COLGALT2: variants seen among roughly 807,000 people sequenced by gnomAD.
COLGALT2 encodes the protein collagen beta(1-O)galactosyltransferase 2.
Under a neutral mutation model 73.4 loss-of-function variants are expected in COLGALT2, and 49 were observed. That is an observed-to-expected ratio of 0.67 (90% confidence interval 0.53 to 0.85). COLGALT2 has a LOEUF of 0.85. Ranked by LOEUF, COLGALT2 falls within the 40% of genes least tolerant of loss-of-function variation. The pLI is 0.00. For missense variants in COLGALT2, 722 were observed against 790.2 expected, an observed-to-expected ratio of 0.91 and a Z score of 1.03; for synonymous variants, 295 against 307.6, an observed-to-expected ratio of 0.96 and a Z score of 0.43.
At chr1:183,974,363 A>G (rs1455524455) in intron 3 of COLGALT2, among the ~76,000 whole-genome samples, 2 of 152,248 alleles carry the variant, frequency 1.3e-5, no homozygotes, top group African/African-American at 4.8e-5. Context: ...TGAAAAAGGG[A>G]TAAACTGACA....
intron 6 of COLGALT2, among the ~76,000 whole-genome samples, chr1:183,959,343 C>A (rs1670635324): frequency 6.6e-6 from 1 of 152,196 alleles, no homozygotes; most frequent in Non-Finnish European, 1.5e-5. Context: ...ATATATCCAA[C>A]TATCTTCTGC....
At chr1:184,035,033 A>G (rs923444661) in intron 1 of COLGALT2, among the ~76,000 whole-genome samples, 1 of 152,236 alleles carries the variant, frequency 6.6e-6, no homozygotes, top group Non-Finnish European at 1.5e-5. Context: ...GTCTTCAATG[A>G]CTGACGCAAG....
At chr1:183,982,249 G>T (rs1671373546) in intron 1 of COLGALT2, among the ~76,000 whole-genome samples, 1 of 152,150 alleles carries the variant, frequency 6.6e-6, no homozygotes, top group Admixed American at 6.5e-5. Flanking sequence ...AGATGGGGTA[G>T]GAGGAGCCCT....
At chr1:183,952,398 A>G (rs1193976255) in intron 7 of COLGALT2, among the ~76,000 whole-genome samples, 2 of 152,194 alleles carry the variant, frequency 1.3e-5, no homozygotes, top group Admixed American at 6.5e-5. Flanking sequence ...AGGGAGGTGC[A>G]CAAACTCATC....
chr1:183,972,641 A>G (rs903033438), intron 4 of COLGALT2, among the ~76,000 whole-genome samples: 1 of 152,016 alleles, frequency 6.6e-6, no homozygotes, highest in Non-Finnish European at 1.5e-5. Flanking sequence ...CATTATTAGA[A>G]CTCTTTGGAA....
Position 183,951,720 on chromosome 1 carries a change from T to C in COLGALT2, c.1030-607A>G, listed in dbSNP as rs2102796639. Among the ~76,000 whole-genome samples the C allele has an allele frequency of 2.0e-5, 3 of 152,238 alleles. 1 individual carries two copies. In the South Asian group the frequency reaches 6.2e-4, roughly 32 times the overall value. Reference sequence around the variant, plus strand: ...GAAGGATATTAAGAAAAGAAAGATATCCCATGTTCATAGATTGGAATAATT... The same window carrying C: ...GAAGGATATTAAGAAAAGAAAGATACCCCATGTTCATAGATTGGAATAATT... On this transcript the variant is annotated intron_variant, in intron 7 of 11. Coordinates refer to ENST00000361927, the MANE Select transcript of COLGALT2 (RefSeq NM_015101.4).
At chr1:183,965,775 G>T (rs1336760726) in intron 5 of COLGALT2, among the ~76,000 whole-genome samples, 1 of 133,760 alleles carries the variant, frequency 7.5e-6, no homozygotes, top group African/African-American at 2.8e-5. Flanking sequence ...AATTATTAAA[G>T]GAATTGCCTC....
chr1:183,969,174 T>C (rs911254663), intron 5 of COLGALT2, 95 bp downstream of exon 5: 1 of 1,031,708 alleles, frequency 9.7e-7, no homozygotes, highest in South Asian at 1.7e-5. Context: ...ACCAGACATA[T>C]GAGGGTTTTT....
In COLGALT2 at chr1:184,037,379, C is replaced by T; in HGVS notation, c.-22G>A. 1 of 1,387,526 alleles carries T rather than the reference C, an allele frequency of 7.2e-7. No homozygotes were observed. 86.0% of individuals were successfully genotyped at this position (1,387,526 alleles called of 1,614,324 possible). ...CCATGTTCCGGGCCGAGGCGGGCGG[C>T]GGGGAAGTCCTGGCGCGAGCGCCCG... On this transcript the variant is annotated 5_prime_UTR_variant, in exon 1 of 12. Coordinates refer to ENST00000361927, the MANE Select transcript of COLGALT2 (RefSeq NM_015101.4).
At chr1:184,033,818 T>C (rs534060740) in intron 1 of COLGALT2, among the ~76,000 whole-genome samples, 1 of 152,234 alleles carries the variant, frequency 6.6e-6, no homozygotes, top group Non-Finnish European at 1.5e-5. Flanking sequence ...AGCCTGTGAG[T>C]GGATGAATGA....
intron 1 of COLGALT2, among the ~76,000 whole-genome samples, chr1:184,003,067 A>T (rs1671973710): frequency 6.6e-6 from 1 of 152,210 alleles, no homozygotes; most frequent in African/African-American, 2.4e-5. Flanking sequence ...ATACATTATT[A>T]TGTAGCCATA....
intron 4 of COLGALT2, among the ~76,000 whole-genome samples, chr1:183,971,400 T>C (rs1169577971): frequency 2.0e-5 from 3 of 152,170 alleles, no homozygotes; most frequent in African/African-American, 7.2e-5. Flanking sequence ...ACATTTCTCC[T>C]ATTTGCTTTT....
intron 1 of COLGALT2, among the ~76,000 whole-genome samples, chr1:184,027,874 A>C (rs1291046720): frequency 6.6e-6 from 1 of 152,246 alleles, no homozygotes; most frequent in Non-Finnish European, 1.5e-5. Context: ...GGCTGTTTCA[A>C]GCCTTACATG....
Position 183,937,572 on chromosome 1 carries a change from C to T in COLGALT2, c.*1189G>A, listed in dbSNP as rs1669989542. The stretch of plus-strand genomic sequence containing the variant: ...AGGTTTCTCACCTGAGATAGAGAAT[C>T]ATTTGTTTCCAAATAGTTCAAATCC... On this transcript the variant is annotated 3_prime_UTR_variant, in exon 12 of 12. Transcript: ENST00000361927. The T allele has an allele frequency of 6.1e-6, 6 of 985,236 alleles. No homozygotes were observed. Among genetic ancestry groups the T allele is most frequent in the Non-Finnish European group, 7.2e-6 (6 of 829,942 alleles). 61.0% of individuals were successfully genotyped at this position (985,236 alleles called of 1,614,324 possible).
chr1:183,939,097 G>A (rs1272459476), intron 11 of COLGALT2, 60 bp from the exon 12 acceptor site: 2 of 1,310,190 alleles, frequency 1.5e-6, no homozygotes, highest in East Asian at 2.3e-5. Flanking sequence ...ACGGAACAGG[G>A]ACAAAGAGTG....
chr1:184,014,631 C>G (rs1252562913), intron 1 of COLGALT2, among the ~76,000 whole-genome samples: 1 of 152,066 alleles, frequency 6.6e-6, no homozygotes, highest in African/African-American at 2.4e-5. Flanking sequence ...GGTATAATAT[C>G]AACAAGTAAT....
At chr1:184,021,708 T>C (rs192865635) in intron 1 of COLGALT2, among the ~76,000 whole-genome samples, 1 of 152,292 alleles carries the variant, frequency 6.6e-6, no homozygotes, top group Non-Finnish European at 1.5e-5. Flanking sequence ...ATGAAAAGAA[T>C]AATAAAATGA....
At chr1:184,005,534 C>G (rs74130984) in intron 1 of COLGALT2, among the ~76,000 whole-genome samples, 1,551 of 152,250 alleles carry the variant, frequency 0.01, 25 homozygotes, top group African/African-American at 0.036. Context: ...TTGAAAAGAG[C>G]TACCTGGTTA....
chr1:183,944,164 G>C (rs1463442423), intron 10 of COLGALT2, 32 bp downstream of exon 10: 1 of 1,594,694 alleles, frequency 6.3e-7, no homozygotes, highest in African/African-American at 1.4e-5. Context: ...GTGCCTCTCA[G>C]AGCCCTCTCG....
Sources: allele counts gnomAD v4.1 joint callset (sites outside exome capture counted in the v4.1 genomes callset), GRCh38; gene constraint gnomAD v4.1.1; transcripts MANE v1.5; gene names NCBI Gene and HGNC (gene_info 2026-07-23, HGNC 2026-07-21).